Variants in HCN1 observed in about 807,000 individuals in gnomAD.
The protein encoded by HCN1 is potassium/sodium hyperpolarization-activated cyclic nucleotide-gated channel 1.
Under a neutral mutation model 78.9 loss-of-function variants are expected in HCN1, and 13 were observed. That is an observed-to-expected ratio of 0.16 (90% CI 0.11 to 0.26). The LOEUF (loss-of-function observed/expected upper bound fraction) is 0.26. Among genes scored for constraint, HCN1 ranks in the 10% least tolerant of loss-of-function variants. The pLI is 1.00. For synonymous variants in HCN1, 552 were observed against 455.5 expected (o/e 1.21, Z -2.70); for missense variants, 810 against 1,154.3 (o/e 0.70, Z 4.32).
chr5:45,299,191 T>C (rs1745557748), intron 6 of HCN1, among the ~76,000 whole-genome samples: 1 of 151,992 alleles, frequency 6.6e-6, no homozygotes, highest in South Asian at 2.1e-4. Flanking sequence ...GGACATTGGG[T>C]AAAGACTGGA....
Position 45,688,374 on chromosome 5 carries a change from C to T in HCN1, c.425+7295G>A, listed in dbSNP as rs573805430. On this transcript the variant is annotated intron_variant, in intron 1 of 7. Transcript: ENST00000303230. ...CTATCTATCTATGTCACCATGTTCACGCTACATAACTTCTCTGCAGTTTCA... is the reference window on the plus strand; with the variant it reads ...CTATCTATCTATGTCACCATGTTCATGCTACATAACTTCTCTGCAGTTTCA... 1.1e-3 allele frequency among the ~76,000 whole-genome samples: 170 copies of T among 152,184 alleles called. 1 individual carries two copies. Among genetic ancestry groups the T allele is most frequent in the African/African-American group, 2.7e-3 (114 of 41,534 alleles).
chr5:45,408,808 A>G (rs549731055), intron 3 of HCN1, among the ~76,000 whole-genome samples: 1 of 152,290 alleles, frequency 6.6e-6, no homozygotes, highest in East Asian at 1.9e-4. Flanking sequence ...AAAAACTACT[A>G]ACAAAGTGAA....
rs1332721382 is a variant in HCN1, at chr5:45,259,224, T to C, written c.*2697A>G. The C allele has an allele frequency of 2.6e-5, 4 of 151,924 alleles. No homozygotes were observed. The highest frequency in any genetic ancestry group is 1.9e-4 in the East Asian group (1 of 5,198). The allele number at this position is 151,924 out of a possible 1,614,324, so 9.4% of individuals were successfully genotyped here. ...AAATAAAACATTTGATTAGCATATA[T>C]TGATAAAATAAAATATTCATGATTG... On this transcript the variant is annotated 3_prime_UTR_variant, in exon 8 of 8. Coordinates refer to ENST00000303230, the MANE Select transcript of HCN1 (RefSeq NM_021072.4).
intron 2 of HCN1, among the ~76,000 whole-genome samples, chr5:45,585,943 G>A (rs905538893): frequency 6.6e-6 from 1 of 152,172 alleles, no homozygotes; most frequent in Admixed American, 6.5e-5. Context: ...CTACTGGTGG[G>A]TGCCTCCCAG....
intron 1 of HCN1, among the ~76,000 whole-genome samples, chr5:45,647,581 T>C (rs139593499): frequency 1.3e-5 from 2 of 152,136 alleles, no homozygotes; most frequent in Non-Finnish European, 2.9e-5. Flanking sequence ...TTGTAACTGA[T>C]GACCCCAAAA....
At chr5:45,657,017 T>A (rs983928634) in intron 1 of HCN1, among the ~76,000 whole-genome samples, 1 of 152,136 alleles carries the variant, frequency 6.6e-6, no homozygotes, top group Non-Finnish European at 1.5e-5. Flanking sequence ...GCGTATTATC[T>A]GATGGAGCAG....
intron 2 of HCN1, among the ~76,000 whole-genome samples, chr5:45,569,822 C>T (rs1270121312): frequency 3.3e-5 from 5 of 151,650 alleles, no homozygotes; most frequent in Admixed American, 2.0e-4. Flanking sequence ...TCATTATTAT[C>T]ATCATCATCA....
At chr5:45,511,216 A>G (rs540729776) in intron 2 of HCN1, among the ~76,000 whole-genome samples, 86 of 152,214 alleles carry the variant, frequency 5.6e-4, no homozygotes, top group African/African-American at 1.9e-3. Context: ...AGTATAAAAT[A>G]AATTTCCATG....
At chr5:45,403,165 AT>A (rs1739858136) in intron 3 of HCN1, among the ~76,000 whole-genome samples, 1 of 152,108 alleles carries the variant, frequency 6.6e-6, no homozygotes, top group South Asian at 2.1e-4. Flanking sequence ...GTCTACACAC[AT>A]TGCTTGTGTT....
At chr5:45,533,138 C>T (rs747932855) in intron 2 of HCN1, among the ~76,000 whole-genome samples, 53 of 152,160 alleles carry the variant, frequency 3.5e-4, no homozygotes, top group Non-Finnish European at 6.8e-4. Context: ...GTAAGCTTTG[C>T]AGAAATCAGC....
chr5:45,492,648 G>A (rs562819128), intron 2 of HCN1, among the ~76,000 whole-genome samples: 1 of 148,896 alleles, frequency 6.7e-6, no homozygotes, highest in Non-Finnish European at 1.5e-5. Flanking sequence ...CTACAGGCTC[G>A]CCCCATCAAG....
chr5:45,281,748 C>T (rs750182198), intron 6 of HCN1, among the ~76,000 whole-genome samples: 8 of 151,322 alleles, frequency 5.3e-5, no homozygotes, highest in South Asian at 2.1e-4. Flanking sequence ...CCACCACGCC[C>T]GGGGGCTAAT....
intron 2 of HCN1, among the ~76,000 whole-genome samples, chr5:45,585,227 C>G (rs1447077809): frequency 6.6e-6 from 1 of 152,124 alleles, no homozygotes; most frequent in Admixed American, 6.5e-5. Context: ...TTGTTCATTT[C>G]TTTTTATTCT....
intron 2 of HCN1, among the ~76,000 whole-genome samples, chr5:45,570,353 T>C (rs1743800005): frequency 6.6e-6 from 1 of 152,120 alleles, no homozygotes; most frequent in Non-Finnish European, 1.5e-5. Flanking sequence ...GAACATGGAA[T>C]CTACTGACAC....
At chr5:45,635,453 T>C (rs1042799326) in intron 2 of HCN1, among the ~76,000 whole-genome samples, 1 of 152,076 alleles carries the variant, frequency 6.6e-6, no homozygotes, top group Non-Finnish European at 1.5e-5. Flanking sequence ...TTAGATAGGA[T>C]TGTATCAAAA....
intron 4 of HCN1, among the ~76,000 whole-genome samples, chr5:45,383,568 G>A (rs554072855): frequency 6.6e-6 from 1 of 152,108 alleles, no homozygotes; most frequent in South Asian, 2.1e-4. Flanking sequence ...GGTGGCACAC[G>A]CCTGTAGTCC....
chr5:45,381,727 C>T (rs2112026058), intron 4 of HCN1, among the ~76,000 whole-genome samples: 1 of 152,192 alleles, frequency 6.6e-6, no homozygotes, highest in South Asian at 2.1e-4. Flanking sequence ...TTGCTATATC[C>T]AAGCCATCTC....
intron 1 of HCN1, among the ~76,000 whole-genome samples, chr5:45,689,934 T>C (rs1739874944): frequency 6.6e-6 from 1 of 152,118 alleles, no homozygotes; most frequent in African/African-American, 2.4e-5. Flanking sequence ...ACCTACGTTA[T>C]TCGTGTCATT....
intron 5 of HCN1, among the ~76,000 whole-genome samples, chr5:45,316,647 C>T (rs1377406397): frequency 6.6e-6 from 1 of 152,100 alleles, no homozygotes; most frequent in Admixed American, 6.6e-5. Context: ...GATGACATGA[C>T]TGTATATTTA....
Sources: gnomAD v4.1 joint callset for allele counts (sites outside exome capture counted in the v4.1 genomes callset) on GRCh38, gnomAD v4.1.1 for gene constraint, MANE v1.5 for transcripts, NCBI Gene and HGNC (gene_info 2026-07-23, HGNC 2026-07-21) for gene names.